Variants in TMEM74 observed in about 807,000 individuals in gnomAD.
TMEM74 encodes transmembrane protein 74.
In TMEM74, 13 loss-of-function variants were observed where a neutral mutation model predicts 18.1. The observed-to-expected ratio is 0.72, with a 90% CI of 0.47 to 1.14. The LOEUF (loss-of-function observed/expected upper bound fraction) is 1.14, where lower values mean the gene tolerates loss of function less well. Ranked by LOEUF, TMEM74 falls within the 50% of genes most tolerant of loss-of-function variation. The pLI, the probability that TMEM74 is intolerant of heterozygous loss-of-function variation, is 0.00. For synonymous variants in TMEM74, 159 were observed against 146.6 expected (o/e 1.08, Z -0.61); for missense variants, 372 against 375.9 (o/e 0.99, Z 0.09).
In TMEM74 at chr8:108,780,203, G is replaced by GT. The variant is rs1232654448; in HGVS notation, c.*3977dup. Among the ~76,000 whole-genome samples the GT allele has an allele frequency of 6.6e-6, 1 of 152,098 alleles. No individual in the cohort carries two copies. ...TTGTGAATCTTTTTTGTCAGACCAC[G>GT]TTTTTTTGATGGCATTAATTGCTGC... On this transcript the variant is annotated 3_prime_UTR_variant, in exon 2 of 2. Transcript: ENST00000297459.
intron 1 of TMEM74, among the ~76,000 whole-genome samples, chr8:108,663,008 T>C (rs1812915295): frequency 6.6e-6 from 1 of 152,096 alleles, no homozygotes; most frequent in Non-Finnish European, 1.5e-5. Flanking sequence ...CCTTGGCTAT[T>C]CGAGCTCTTT....
chr8:108,771,678 C>A (rs1347279226), intron 1 of TMEM74, among the ~76,000 whole-genome samples: 1 of 152,204 alleles, frequency 6.6e-6, no homozygotes, highest in Non-Finnish European at 1.5e-5. Flanking sequence ...GTACAGCAAT[C>A]CAGTTTATGG....
intron 1 of TMEM74, among the ~76,000 whole-genome samples, chr8:108,695,902 C>T (rs1258048059): frequency 3.3e-5 from 5 of 152,104 alleles, no homozygotes; most frequent in Non-Finnish European, 5.9e-5. Context: ...TCTTTTTTCA[C>T]TCTTAGGAGT....
chr8:108,774,532 G>C (rs1352772031), downstream of TMEM74, among the ~76,000 whole-genome samples: 1 of 152,188 alleles, frequency 6.6e-6, no homozygotes, highest in Non-Finnish European at 1.5e-5. Flanking sequence ...GAGAAGTTAA[G>C]TGCATAAAGG....
intron 2 of TMEM74, among the ~76,000 whole-genome samples, chr8:108,619,650 C>T (rs946643316): frequency 9.2e-5 from 14 of 152,178 alleles, no homozygotes; most frequent in African/African-American, 3.1e-4. Flanking sequence ...ATAGCTCCTG[C>T]TCTGAAAGAG....
chr8:108,761,518 T>A (rs940100816), intron 1 of TMEM74, among the ~76,000 whole-genome samples: 3 of 152,114 alleles, frequency 2.0e-5, no homozygotes, highest in Non-Finnish European at 2.9e-5. Flanking sequence ...TTCCATCTTA[T>A]TAGAGAGGAT....
intron 3 of TMEM74, chr8:108,608,654 A>G (rs571188940): frequency 6.6e-6 from 1 of 152,192 alleles, no homozygotes; most frequent in African/African-American, 2.4e-5. Flanking sequence ...CCTTGAGGAA[A>G]CTTGTCCCTT....
chr8:108,723,398 G>A (rs1813604513), intron 1 of TMEM74, among the ~76,000 whole-genome samples: 1 of 152,080 alleles, frequency 6.6e-6, no homozygotes, highest in South Asian at 2.1e-4. Context: ...TTCAGTGGCT[G>A]ACCAAGTTTG....
intron 1 of TMEM74, among the ~76,000 whole-genome samples, chr8:108,759,709 A>G (rs148005176): frequency 1.3e-5 from 2 of 152,270 alleles, no homozygotes; most frequent in East Asian, 1.9e-4. Flanking sequence ...CCATGAAAAT[A>G]TTTGGAAGTT....
intron 2 of TMEM74, among the ~76,000 whole-genome samples, chr8:108,638,155 T>C (rs2130559202): frequency 6.6e-6 from 1 of 152,274 alleles, no homozygotes; most frequent in South Asian, 2.1e-4. Flanking sequence ...TGAAAATGTT[T>C]GTTTGCCTAA....
In TMEM74 at chr8:108,779,053, A is replaced by T. The variant is rs528344380; in HGVS notation, c.*5128T>A. ...TTAAAAGACCAAATCAGCATTACAG[A>T]TTCCAATTTAAATTAAGCTTAATAA... is the stretch of plus-strand genomic sequence containing the variant. On this transcript the variant is annotated 3_prime_UTR_variant, in exon 2 of 2. Transcript: ENST00000297459. 3.9e-5 allele frequency among the ~76,000 whole-genome samples: 6 copies of T among 152,316 alleles called. No homozygotes were observed. The East Asian group carries it at 5.8e-4, about 15-fold the overall frequency.
At chr8:108,732,901 A>G (rs1813710152) in intron 1 of TMEM74, among the ~76,000 whole-genome samples, 3 of 152,050 alleles carry the variant, frequency 2.0e-5, no homozygotes, top group African/African-American at 2.4e-5. Flanking sequence ...ACTTCACAAA[A>G]TATGATATAT....
Position 108,784,560 on chromosome 8 carries a change from C to T in TMEM74, c.539G>A (p.Ser180Asn), listed in dbSNP as rs1814352705. The change falls in exon 2 of 2, where the codon AGC (serine) becomes AAC (asparagine). Residue 180 changes from serine (S) to asparagine (N), a missense_variant. Coordinates refer to ENST00000297459, the MANE Select transcript of TMEM74 (RefSeq NM_153015.3). Reference protein sequence around the residue: ...SGKSIDYGFISAILFLVTGIL... With the variant: ...SGKSIDYGFINAILFLVTGIL... ...CCCAGTGACCAAGAACAAGATGGCG[C>T]TGATGAAACCATAGTCTATAGACTT... 1.2e-6 allele frequency: 2 copies of T among 1,614,022 alleles called. No homozygotes were observed. Among genetic ancestry groups the T allele is most frequent in the East Asian group, 2.2e-5 (1 of 44,868 alleles).
downstream of TMEM74, among the ~76,000 whole-genome samples, chr8:108,775,417 T>C (rs1814221171): frequency 6.6e-6 from 1 of 152,204 alleles, no homozygotes; most frequent in African/African-American, 2.4e-5. Context: ...AAATGTTGTT[T>C]ATTAAGGCTC....
intron 1 of TMEM74, among the ~76,000 whole-genome samples, chr8:108,760,973 A>T (rs529492345): frequency 6.7e-6 from 1 of 148,878 alleles, no homozygotes; most frequent in Non-Finnish European, 1.5e-5. Context: ...GTGGTTTTGG[A>T]GTGTGTGTGT....
At chr8:108,718,101 G>A (rs1377495734) in intron 1 of TMEM74, among the ~76,000 whole-genome samples, 1 of 110,024 alleles carries the variant, frequency 9.1e-6, no homozygotes, top group African/African-American at 5.4e-5. Context: ...TGGGACTACA[G>A]GCGCCCGCCA....
chr8:108,724,039 C>T (rs1261442487), intron 1 of TMEM74, among the ~76,000 whole-genome samples: 1 of 152,150 alleles, frequency 6.6e-6, no homozygotes, highest in African/African-American at 2.4e-5. Context: ...TCCAACTTTG[C>T]TGTTTCCTTC....
intron 1 of TMEM74, among the ~76,000 whole-genome samples, chr8:108,727,012 A>G (rs1050606846): frequency 6.6e-6 from 1 of 152,160 alleles, no homozygotes; most frequent in African/African-American, 2.4e-5. Flanking sequence ...AATTGGGGGA[A>G]TAGCATTTCA....
chr8:108,617,449 G>A (rs897492043), intron 2 of TMEM74, among the ~76,000 whole-genome samples: 1 of 152,018 alleles, frequency 6.6e-6, no homozygotes, highest in East Asian at 1.9e-4. Flanking sequence ...TTTTGATTCT[G>A]GGGTGTAGGA....
Sources: gnomAD v4.1 joint callset for allele counts (sites outside exome capture counted in the v4.1 genomes callset) on GRCh38, gnomAD v4.1.1 for gene constraint, MANE v1.5 for transcripts, NCBI Gene and HGNC (gene_info 2026-07-23, HGNC 2026-07-21) for gene names.